The following ITPK1 variants were observed in gnomAD, a reference collection of about 807,000 sequenced individuals.
ITPK1 encodes the protein inositol 1,3,4-trisphosphate 5/6-kinase.
A neutral mutation model predicts 45.3 loss-of-function variants in ITPK1; 21 were observed. That is an observed-to-expected ratio of 0.46 (90% CI 0.33 to 0.67). The LOEUF (loss-of-function observed/expected upper bound fraction) is 0.67. ITPK1 is among the 30% of genes least tolerant of loss of function. The probability of loss-of-function intolerance (pLI) is 0.02; values close to 1 mark genes in which losing one functional copy is unlikely to be tolerated. For synonymous variants in ITPK1, 258 were observed against 253.6 expected (o/e 1.02, Z -0.16); for missense variants, 474 against 573.5 (o/e 0.83, Z 1.77).
intron 4 of ITPK1, among the ~76,000 whole-genome samples, chr14:93,001,555 C>T (rs1293045035): frequency 6.6e-6 from 1 of 152,120 alleles, no homozygotes; most frequent in African/African-American, 2.4e-5. Context: ...GTGTCAGCAC[C>T]AAGGCGAACC....
intron 7 of ITPK1, among the ~76,000 whole-genome samples, chr14:92,960,310 G>T (rs903723394): frequency 6.6e-6 from 1 of 152,166 alleles, no homozygotes; most frequent in Non-Finnish European, 1.5e-5. Context: ...CCCATCAGGG[G>T]CATCCTGAGA....
intron 3 of ITPK1, among the ~76,000 whole-genome samples, chr14:93,055,658 T>C (rs577994215): frequency 2.0e-5 from 3 of 152,066 alleles, no homozygotes; most frequent in African/African-American, 7.2e-5. Context: ...CTCTCAGCTG[T>C]CCCCTCCCAT....
At chr14:92,967,588 C>A (rs571506526) in intron 5 of ITPK1, among the ~76,000 whole-genome samples, 2 of 152,130 alleles carry the variant, frequency 1.3e-5, no homozygotes, top group African/African-American at 4.8e-5. Context: ...AACATATGTC[C>A]GCATAAAATC....
intron 7 of ITPK1, among the ~76,000 whole-genome samples, chr14:92,960,800 C>T (rs549072654): frequency 1.3e-5 from 2 of 152,246 alleles, no homozygotes; most frequent in Admixed American, 6.5e-5. Flanking sequence ...CTGCTGCTCT[C>T]GAGCCTTCCT....
intron 2 of ITPK1, among the ~76,000 whole-genome samples, chr14:93,082,349 G>A (rs958592665): frequency 2.0e-5 from 3 of 152,186 alleles, no homozygotes; most frequent in Admixed American, 6.5e-5. Context: ...ACTGAGCTTC[G>A]CAGCATTCAG....
At chr14:93,021,022 T>C (rs1458104670) in intron 3 of ITPK1, among the ~76,000 whole-genome samples, 2 of 152,132 alleles carry the variant, frequency 1.3e-5, no homozygotes, top group African/African-American at 4.8e-5. Context: ...CCAGTGACAC[T>C]CAATAAATGT....
intron 2 of ITPK1, among the ~76,000 whole-genome samples, chr14:93,098,017 A>C (rs1892152062): frequency 6.6e-6 from 1 of 152,152 alleles, no homozygotes. Flanking sequence ...TCTCAAAAAA[A>C]AGAAAATTAG....
In ITPK1 at chr14:93,079,263, G is replaced by C. The variant is rs150212727; in HGVS notation, c.96-2644C>G. Reference sequence around the variant, plus strand: ...TCCCAGGAGCCACAGCAGTTCCTCTGTCGCTCAGAGCTCCAAAAAAAGGAT... The same window carrying C: ...TCCCAGGAGCCACAGCAGTTCCTCTCTCGCTCAGAGCTCCAAAAAAAGGAT... On this transcript the variant is annotated intron_variant, in intron 2 of 10. Transcript: ENST00000267615. 1.2e-3 allele frequency among the ~76,000 whole-genome samples: 185 copies of C among 152,316 alleles called. 2 individuals carry two copies. The highest frequency in any genetic ancestry group is 4.2e-3 in the African/African-American group (176 of 41,560).
At chr14:92,980,752 T>C (rs1886183675) in intron 5 of ITPK1, among the ~76,000 whole-genome samples, 1 of 152,186 alleles carries the variant, frequency 6.6e-6, no homozygotes. Context: ...CTTGGTTCAC[T>C]ATAACCTCCG....
intron 5 of ITPK1, among the ~76,000 whole-genome samples, chr14:92,979,780 C>A (rs1272243513): frequency 6.6e-6 from 1 of 151,830 alleles, no homozygotes; most frequent in Admixed American, 6.6e-5. Context: ...ATAATTTCTT[C>A]ATAAATTACC....
intron 4 of ITPK1, among the ~76,000 whole-genome samples, chr14:93,002,091 C>T (rs1230715496): frequency 2.0e-5 from 3 of 152,186 alleles, no homozygotes; most frequent in Non-Finnish European, 1.5e-5. Context: ...TGGTGGCTCA[C>T]GTCTGTAATT....
intron 3 of ITPK1, among the ~76,000 whole-genome samples, chr14:93,075,022 G>A (rs959697355): frequency 6.6e-6 from 1 of 151,986 alleles, no homozygotes; most frequent in Non-Finnish European, 1.5e-5. Context: ...AGAAATTAAA[G>A]CCCACAGAAA....
chr14:93,064,668 A>G (rs1398485965), intron 3 of ITPK1, among the ~76,000 whole-genome samples: 1 of 152,226 alleles, frequency 6.6e-6, no homozygotes, highest in East Asian at 1.9e-4. Context: ...GCCATTGCAT[A>G]AAGCTCAAAA....
chr14:93,072,950 G>A lies in ITPK1; in HGVS notation c.120+3645C>T, dbSNP rs114244825. On this transcript the variant is annotated intron_variant, in intron 3 of 10. Coordinates refer to ENST00000267615, the MANE Select transcript of ITPK1 (RefSeq NM_014216.6). ...CTCTTTGAATTTTGCTGCAAGCAGG[G>A]AACTGGAAATACCTCCCTGGCCCCA... Among the ~76,000 whole-genome samples, 1,085 of 152,334 alleles carry A rather than the reference G, an allele frequency of 7.1e-3. 18 individuals are homozygous for A. The highest frequency in any genetic ancestry group is 0.025 in the African/African-American group (1,027 of 41,558).
chr14:93,056,697 C>T (rs1374306358), intron 3 of ITPK1, among the ~76,000 whole-genome samples: 3 of 152,126 alleles, frequency 2.0e-5, no homozygotes, highest in Admixed American at 6.5e-5. Flanking sequence ...GAGCAGTGCC[C>T]CTCCTCCAGA....
chr14:93,102,799 G>C (rs898441479), intron 2 of ITPK1, among the ~76,000 whole-genome samples: 1 of 151,634 alleles, frequency 6.6e-6, no homozygotes, highest in African/African-American at 2.4e-5. Context: ...CTACAACAAC[G>C]GCAAAAAAGA....
chr14:93,024,816 C>T (rs920506767), intron 3 of ITPK1, among the ~76,000 whole-genome samples: 60 of 152,214 alleles, frequency 3.9e-4, no homozygotes, highest in Middle Eastern at 3.2e-3. Context: ...CCAACACCCC[C>T]AGGTCCCTGT....
chr14:93,083,353 TC>T (rs767122393), intron 2 of ITPK1, among the ~76,000 whole-genome samples: 18 of 152,102 alleles, frequency 1.2e-4, no homozygotes, highest in Non-Finnish European at 2.6e-4. Context: ...AGCTTTCATA[TC>T]CGTTAAAAGG....
intron 8 of ITPK1, among the ~76,000 whole-genome samples, chr14:92,955,885 C>T (rs958696461): frequency 1.3e-5 from 2 of 152,168 alleles, no homozygotes; most frequent in African/African-American, 4.8e-5. Context: ...ACCCCCTTTC[C>T]AACTGGTCCA....
Sources: allele counts gnomAD v4.1 joint callset (sites outside exome capture counted in the v4.1 genomes callset), GRCh38; gene constraint gnomAD v4.1.1; transcripts MANE v1.5; gene names NCBI Gene and HGNC (gene_info 2026-07-23, HGNC 2026-07-21).